SSC5D: variants seen among roughly 807,000 people sequenced by gnomAD.
SSC5D encodes the protein scavenger receptor cysteine rich family member with 5 domains.
Under a neutral mutation model 104.6 loss-of-function variants are expected in SSC5D, and 106 were observed. That is an observed-to-expected ratio of 1.01 (90% CI 0.87 to 1.19). The LOEUF is 1.19. Ranked by LOEUF, SSC5D falls within the 50% of genes most tolerant of loss-of-function variation. The pLI, the probability that SSC5D is intolerant of heterozygous loss-of-function variation, is 0.00. For missense variants in SSC5D, 1,993 were observed against 2,153.8 expected, an observed-to-expected ratio of 0.93 and a Z score of 1.48; for synonymous variants, 860 against 883.5, an observed-to-expected ratio of 0.97 and a Z score of 0.47.
intron 12 of SSC5D, among the ~76,000 whole-genome samples, chr19:55,511,849 G>C (rs903006925): frequency 6.6e-6 from 1 of 152,180 alleles, no homozygotes. Flanking sequence ...CAGGATCAGT[G>C]TGGGGGGCCA....
intron 12 of SSC5D, among the ~76,000 whole-genome samples, chr19:55,511,290 G>A (rs933817810): frequency 3.3e-5 from 5 of 152,132 alleles, no homozygotes; most frequent in East Asian, 1.9e-4. Flanking sequence ...AGCAGGTAAC[G>A]GAGCAAGGGA....
At chr19:55,495,590 G>A (rs1448400042) in intron 8 of SSC5D, among the ~76,000 whole-genome samples, 1 of 151,726 alleles carries the variant, frequency 6.6e-6, no homozygotes, top group Admixed American at 6.6e-5. Context: ...TTATTACTGA[G>A]GTATGGTGAG....
chr19:55,493,602 A>G lies in SSC5D; in HGVS notation c.903A>G (p.Ala301=). The part of the protein sequence containing the change: ...EDAGLVCTGP[A]PRLRLADGPH... ...CCCTCTCCCACTATCCAGGCCCAGC[A>G]CCTCGGCTGCGCCTGGCCGATGGCC... The change falls in exon 7 of 14, where the codon GCA becomes GCG. Residue 301 remains alanine (A), a synonymous_variant. Transcript: ENST00000389623. 6.9e-7 allele frequency: 1 copy of G among 1,452,992 alleles called. No homozygotes were observed. Among genetic ancestry groups the G allele is most frequent in the Non-Finnish European group, 9.0e-7 (1 of 1,116,102 alleles). The allele number at this position is 1,452,992 out of a possible 1,614,324, so 90.0% of individuals were successfully genotyped here. A position where few individuals can be genotyped will look rare whatever the true frequency, so the allele number is the denominator to read the frequency against.
At chr19:55,489,055 T>G in intron 2 of SSC5D, 23 bp downstream of exon 2, 1 of 1,318,704 alleles carries the variant, frequency 7.6e-7, no homozygotes, top group East Asian at 3.3e-5. Flanking sequence ...ACTCCTCCCA[T>G]CTGCCCGCCC....
intron 12 of SSC5D, 142 bp from the exon 13 acceptor site, chr19:55,512,869 C>T (rs1987787637): frequency 2.0e-6 from 2 of 993,876 alleles, no homozygotes; most frequent in African/African-American, 3.2e-5. Context: ...AGAAGGTCTC[C>T]ACGAGGTCAG....
In SSC5D at chr19:55,500,188, C is replaced by T. The variant is rs1480845802; in HGVS notation, c.2078C>T (p.Thr693Ile). ...RPTTEAPQRW[T>I]SHTTATLTPQ... is the part of the protein sequence containing the mutation. Reference sequence around the variant, plus strand: ...ACCACGGAGGCCCCCCAGAGATGGACCTCTCACACCACTGCCACGCTGACC... The same window carrying T: ...ACCACGGAGGCCCCCCAGAGATGGATCTCTCACACCACTGCCACGCTGACC... The change falls in exon 10 of 14, where the codon ACC becomes ATC. Residue 693 changes from threonine to isoleucine, a missense_variant. Thr to Ile is a moderately conservative substitution (Grantham distance 89). This residue lies in a region of SSC5D where 1,101 missense variants were observed against 1,085.0 expected (regional missense o/e 1.01). Transcript: ENST00000389623. The surrounding 1 kb of genome is among the most constrained non-coding windows in gnomAD (Gnocchi z 4.6). 1.3e-6 allele frequency: 2 copies of T among 1,551,368 alleles called. No homozygotes were observed. Among genetic ancestry groups the T allele is most frequent in the South Asian group, 1.2e-5 (1 of 84,020 alleles).
rs1987691632 is a variant in SSC5D at position 55,508,680 on chromosome 19, C to A, written c.2786-4331C>A. Among the ~76,000 whole-genome samples, 3 of 135,824 alleles carry A rather than the reference C, an allele frequency of 2.2e-5. No homozygotes were observed. In the South Asian group the frequency reaches 6.8e-4, roughly 31 times the overall value. 89.1% of individuals were successfully genotyped at this position (135,824 alleles called of 152,430 possible). A position where few individuals can be genotyped will look rare whatever the true frequency, so the allele number is the denominator to read the frequency against. ...ATCCACAGGGGATGGGGGGAGGCCTCCTGAGGGCATGGCCTGTGGACTAAC... is the reference window on the plus strand; with the variant it reads ...ATCCACAGGGGATGGGGGGAGGCCTACTGAGGGCATGGCCTGTGGACTAAC... On this transcript the variant is annotated intron_variant, in intron 12 of 13. Coordinates refer to ENST00000389623, the MANE Select transcript of SSC5D (RefSeq NM_001144950.2).
Position 55,497,868 on chromosome 19 carries a change from C to A in SSC5D, c.1388-12C>A, listed in dbSNP as rs1433042859. 6.6e-7 allele frequency: 1 copy of A among 1,521,708 alleles called. No individual in the cohort carries two copies. The highest frequency in any genetic ancestry group is 1.4e-5 in the African/African-American group (1 of 72,558). The allele number at this position is 1,521,708 out of a possible 1,614,324, so 94.3% of individuals were successfully genotyped here. On this transcript the variant is annotated splice_polypyrimidine_tract_variant and intron_variant, in intron 8 of 13. Coordinates refer to ENST00000389623, the MANE Select transcript of SSC5D (RefSeq NM_001144950.2). ...TCCCCGACTCTAATTCTTTGGGTCT[C>A]TTCTACCCCAGGGTCCCCCCAGCTG...
intron 12 of SSC5D, among the ~76,000 whole-genome samples, chr19:55,505,640 C>T (rs918638677): frequency 1.3e-5 from 2 of 151,712 alleles, no homozygotes; most frequent in Non-Finnish European, 2.9e-5. Flanking sequence ...GCTTGTGGCT[C>T]CATCCCCCAT....
chr19:55,493,994 G>GTGC, intron 7 of SSC5D, 82 bp downstream of exon 7: 1 of 143,314 alleles, frequency 7.0e-6, no homozygotes, highest in Non-Finnish European at 1.4e-5. Context: ...GGGCGGGGGG[G>GTGC]TCCCTACGCG....
At chr19:55,489,057 T>TGGGGGGGGGGCGG in intron 2 of SSC5D, 25 bp downstream of exon 2, 1 of 1,247,978 alleles carries the variant, frequency 8.0e-7, no homozygotes, top group Non-Finnish European at 1.0e-6. Flanking sequence ...TCCTCCCATC[T>TGGGGGGGGGGCGG]GCCCGCCCCC....
At position 55,518,226 on chromosome 19, in the gene SSC5D, C is replaced by T; in HGVS notation, c.3950C>T (p.Pro1317Leu). The change falls in exon 14 of 14, where the codon CCT becomes CTT. Residue 1317 changes from proline (P) to leucine (L), a missense_variant. By Grantham distance (98) the Pro-to-Leu change is moderately conservative. Around this residue, in one of 6 missense-constraint regions of SSC5D, gnomAD observed 349 missense variants for 397.6 expected, o/e 0.88. Coordinates refer to ENST00000389623, the MANE Select transcript of SSC5D (RefSeq NM_001144950.2). ...PTTTPYPTTT[P>L]DPTTTPHPTT... ...ACGACCCCTTACCCCACCACTACTC[C>T]TGATCCCACCACGACCCCTCACCCC... 1 of 1,476,334 alleles carries T rather than the reference C, an allele frequency of 6.8e-7. No homozygotes were observed. Among genetic ancestry groups the T allele is most frequent in the African/African-American group, 1.5e-5 (1 of 65,772 alleles). The allele number at this position is 1,476,334 out of a possible 1,614,324, so 91.5% of individuals were successfully genotyped here. A position where few individuals can be genotyped will look rare whatever the true frequency, so the allele number is the denominator to read the frequency against.
intron 6 of SSC5D, chr19:55,491,347 G>A (rs1293541837): frequency 4.3e-6 from 2 of 464,468 alleles, no homozygotes; most frequent in East Asian, 7.6e-5. Context: ...GTTTGTTTAA[G>A]CCTCAGTTTT....
intron 13 of SSC5D, among the ~76,000 whole-genome samples, chr19:55,513,510 C>T (rs115129161): frequency 0.01 from 1,595 of 152,112 alleles, 29 homozygotes; most frequent in African/African-American, 0.037. Flanking sequence ...AGCCTGGGTG[C>T]TCGAGGCTGT....
chr19:55,497,101 T>G (rs908898176), intron 8 of SSC5D, among the ~76,000 whole-genome samples: 48 of 152,352 alleles, frequency 3.2e-4, no homozygotes, highest in African/African-American at 1.1e-3. Context: ...CTGAGAAGCC[T>G]TCTCCAGCTT....
At chr19:55,489,101 C>A (rs62128259) in intron 2 of SSC5D, 69 bp downstream of exon 2, 30 of 974,640 alleles carry the variant, frequency 3.1e-5, no homozygotes, top group Non-Finnish European at 1.4e-6. Context: ...CCATCCAGGC[C>A]TGGCCTCACC....
rs372494888 is a variant in SSC5D, at chr19:55,494,665, G to A, written c.1269G>A (p.Thr423=). The change falls in exon 8 of 14, where the codon ACG becomes ACA. Residue 423 remains threonine, a synonymous_variant. Transcript: ENST00000389623. ...CCCCCACGGACAGCAACAACTCCAC[G>A]CCCAGGGAGGCTGCCTCCAGGCCCC... The part of the protein sequence containing the change: ...PTAPTDSNNS[T]PREAASRPPS... 2.1e-5 allele frequency: 32 copies of A among 1,547,790 alleles called. No homozygotes were observed. The African/African-American group carries it at 2.8e-4, about 13-fold the overall frequency.
chr19:55,490,001 C>T lies in SSC5D; in HGVS notation c.475+6C>T, dbSNP rs961502193. 12 of 1,539,252 alleles carry T rather than the reference C, an allele frequency of 7.8e-6. No homozygotes were observed. The highest frequency in any genetic ancestry group is 5.5e-5 in the African/African-American group (4 of 72,208). ...GGAGCCCCTGGTGACACATGGTGAG[C>T]CCAGGGGACTGCCCTGCCAACCCCC... is the stretch of plus-strand genomic sequence containing the variant. On this transcript the variant is annotated splice_donor_region_variant and intron_variant, in intron 4 of 13. Transcript: ENST00000389623.
intron 12 of SSC5D, among the ~76,000 whole-genome samples, chr19:55,512,180 G>T (rs936963006): frequency 3.0e-5 from 4 of 131,762 alleles, no homozygotes; most frequent in African/African-American, 1.2e-4. Context: ...ATCCTGGGTG[G>T]CAGAGTGAGA....
Sources: gnomAD v4.1 joint callset for allele counts (sites outside exome capture counted in the v4.1 genomes callset) on GRCh38, gnomAD v4.1.1 for gene constraint, gnomAD v4.1.1 regional missense constraint, Gnocchi (gnomAD v3.1) non-coding constraint, MANE v1.5 for transcripts, NCBI Gene and HGNC (gene_info 2026-07-23, HGNC 2026-07-21) for gene names.